Variants in TBCD observed in about 807,000 individuals in gnomAD.
The protein encoded by TBCD is tubulin folding cofactor D.
A neutral mutation model predicts 169.3 loss-of-function variants in TBCD; 105 were observed. That is an observed-to-expected ratio of 0.62 (90% CI 0.53 to 0.73). The LOEUF (loss-of-function observed/expected upper bound fraction) is 0.73, where lower values mean the gene tolerates loss of function less well. Among genes scored for constraint, TBCD ranks in the 30% least tolerant of loss-of-function variants. TBCD has a pLI of 0.00. For synonymous variants in TBCD, 700 were observed against 643.9 expected (o/e 1.09, Z -1.32); for missense variants, 1,444 against 1,600.1 (o/e 0.90, Z 1.66).
intron 13 of TBCD, among the ~76,000 whole-genome samples, chr17:82,819,974 C>CT (rs375685441): frequency 0.04 from 5,647 of 142,848 alleles, 345 homozygotes; most frequent in African/African-American, 0.13. Context: ...TTAAGTTTAC[C>CT]TTTTTTTTTT....
chr17:82,887,708 C>T (rs1335393495), intron 15 of TBCD, among the ~76,000 whole-genome samples: 2 of 152,136 alleles, frequency 1.3e-5, no homozygotes, highest in East Asian at 3.9e-4. Flanking sequence ...ACGTTCGCAC[C>T]ACCACCTGCC....
At chr17:82,912,653 C>G (rs977289938) in intron 23 of TBCD, among the ~76,000 whole-genome samples, 28 of 151,710 alleles carry the variant, frequency 1.8e-4, no homozygotes, top group African/African-American at 6.1e-4. Flanking sequence ...CTGAGGTCTG[C>G]GTGGTCTGAG....
chr17:82,760,121 G>T (rs979530033), intron 2 of TBCD, among the ~76,000 whole-genome samples: 22 of 151,740 alleles, frequency 1.4e-4, no homozygotes, highest in Admixed American at 1.2e-3. Context: ...CAGTCTGCCC[G>T]CCTTGGCCTC....
intron 9 of TBCD, among the ~76,000 whole-genome samples, chr17:82,801,649 CGTGT>C (rs2050547474): frequency 1.1e-5 from 1 of 87,308 alleles, no homozygotes; most frequent in Admixed American, 1.3e-4. Flanking sequence ...AGGAGGGCGG[CGTGT>C]GCGTTGTGTG....
rs2051069732 is a variant in TBCD, at chr17:82,807,627, GAAGGAC to G, written c.1115_1120del (p.Lys372_Asp373del). 1.3e-6 allele frequency: 2 copies of G among 1,552,904 alleles called. No individual in the cohort carries two copies. The highest frequency in any genetic ancestry group is 1.7e-6 in the Non-Finnish European group (2 of 1,148,738). Reference sequence around the variant, plus strand: ...CTACAGAGCAGCTGCTGGTCGGGCTGAAGGACAAGGACACGGTCGTGCGGTGGTCTG... The same window carrying G: ...CTACAGAGCAGCTGCTGGTCGGGCTGAAGGACACGGTCGTGCGGTGGTCTG... On this transcript the variant is annotated inframe_deletion, in exon 11 of 39. Coordinates refer to ENST00000355528, the MANE Select transcript of TBCD (RefSeq NM_005993.5).
intron 13 of TBCD, chr17:82,830,886 A>G: frequency 6.2e-7 from 1 of 1,612,786 alleles, no homozygotes; most frequent in African/African-American, 1.3e-5. Context: ...GGCTAGAAGA[A>G]GCCAAGAAAA....
At position 82,783,362 on chromosome 17, in the gene TBCD, A is replaced by G. The variant is rs190901551; in HGVS notation, c.771+1641A>G. On this transcript the variant is annotated intron_variant, in intron 7 of 38. Transcript: ENST00000355528. ...AAATGTGACAGATTCAGCAGTTTTC[A>G]AAAATCAAGATATAATTCACATACC... 4.6e-5 allele frequency among the ~76,000 whole-genome samples: 7 copies of G among 152,372 alleles called. No individual in the cohort carries two copies. The East Asian group carries it at 1.3e-3, about 29-fold the overall frequency.
rs760075902 is a variant in TBCD at position 82,831,586 on chromosome 17, G to A, written c.1318+16652G>A. 7 of 1,614,164 alleles carry A rather than the reference G, an allele frequency of 4.3e-6. No homozygotes were observed. The highest frequency in any genetic ancestry group is 2.2e-5 in the East Asian group (1 of 44,884). On this transcript the variant is annotated intron_variant, in intron 13 of 38. Coordinates refer to ENST00000355528, the MANE Select transcript of TBCD (RefSeq NM_005993.5). This position sits in a 1 kb window ranked among gnomAD's most constrained non-coding sequence, Gnocchi z 4.6. The stretch of plus-strand genomic sequence containing the variant: ...AGATGGAGCCAGGTGCTTAGGGATC[G>A]GCCCCGGGTGAGGCAGGAAGTGTCT...
intron 18 of TBCD, among the ~76,000 whole-genome samples, chr17:82,902,839 G>A (rs893536026): frequency 3.3e-5 from 5 of 152,218 alleles, no homozygotes; most frequent in African/African-American, 1.2e-4. Context: ...GAGCTCTGCG[G>A]GTCGCTCCCA....
At chr17:82,927,094 T>A (rs952264441) in intron 28 of TBCD, 92 bp from the exon 29 acceptor site, 2 of 1,566,132 alleles carry the variant, frequency 1.3e-6, no homozygotes, top group Non-Finnish European at 1.7e-6. Flanking sequence ...GAGCGTGTCT[T>A]CTCAGGATCA....
Position 82,806,074 on chromosome 17 carries a change from C to T in TBCD, c.1087+63C>T. On this transcript the variant is annotated intron_variant, in intron 10 of 38. Coordinates refer to ENST00000355528, the MANE Select transcript of TBCD (RefSeq NM_005993.5). This position sits in a 1 kb window ranked among gnomAD's most constrained non-coding sequence, Gnocchi z 5.1. ...ACCGTCGGGCCAATTCCCCTCTACT[C>T]CAGGACCACACTTCCTTCTTCCTTG... 1 of 1,582,354 alleles carries T rather than the reference C, an allele frequency of 6.3e-7. No homozygotes were observed. Among genetic ancestry groups the T allele is most frequent in the South Asian group, 1.1e-5 (1 of 88,032 alleles).
chr17:82,903,348 G>T lies in TBCD; in HGVS notation c.1731-57G>T. 1 of 1,490,370 alleles carries T rather than the reference G, an allele frequency of 6.7e-7. No individual in the cohort carries two copies. The highest frequency in any genetic ancestry group is 1.2e-5 in the South Asian group (1 of 82,712). 92.3% of individuals were successfully genotyped at this position (1,490,370 alleles called of 1,614,324 possible). ...CTCCCTCACTTTCTTTTTATGAATT[G>T]AATAAAGCTAGAATCATAAAATGAA... On this transcript the variant is annotated intron_variant, in intron 18 of 38. Transcript: ENST00000355528. This position sits in a 1 kb window ranked among gnomAD's most constrained non-coding sequence, Gnocchi z 4.8.
Position 82,941,615 on chromosome 17 carries a change from C to T in TBCD, c.3564+132C>T, listed in dbSNP as rs760710543. 9.1e-5 allele frequency: 72 copies of T among 795,510 alleles called. 1 individual carries two copies. Among genetic ancestry groups the T allele is most frequent in the Non-Finnish European group, 1.2e-4 (63 of 507,886 alleles). The allele number at this position is 795,510 out of a possible 1,614,324, so 49.3% of individuals were successfully genotyped here. ...CGTTCCCTCGTCTCATGTCAGGACC[C>T]CTGGGATTACGGGACCAGCAGAGCT... On this transcript the variant is annotated intron_variant, in intron 38 of 38. Transcript: ENST00000355528.
At position 82,929,421 on chromosome 17, in the gene TBCD, A is replaced by G. The variant is rs780895194; in HGVS notation, c.2912A>G (p.Gln971Arg). 5.6e-6 allele frequency: 9 copies of G among 1,612,714 alleles called. No individual in the cohort carries two copies. The highest frequency in any genetic ancestry group is 7.6e-6 in the Non-Finnish European group (9 of 1,179,902). Residue 971 changes from glutamine (Q) to arginine (R), a missense_variant, in exon 32 of 39, where the codon CAG becomes CGG. By Grantham distance (43) the Gln-to-Arg change is conservative. Coordinates refer to ENST00000355528, the MANE Select transcript of TBCD (RefSeq NM_005993.5). ...TCCCAGGCCTTCCCACGCATCACCC[A>G]GCTCCTTGGGCTGCCCACCTACCGC... Reference protein sequence around the residue: ...APSQAFPRITQLLGLPTYRYH... With the variant: ...APSQAFPRITRLLGLPTYRYH...
chr17:82,858,360 C>G (rs929749569), intron 13 of TBCD, among the ~76,000 whole-genome samples: 6 of 152,212 alleles, frequency 3.9e-5, no homozygotes, highest in African/African-American at 1.4e-4. Context: ...GAACATCTTT[C>G]TACCTGGAAG....
At chr17:82,849,632 ATAAACTGAGAAT>A in intron 13 of TBCD, among the ~76,000 whole-genome samples, 1 of 152,232 alleles carries the variant, frequency 6.6e-6, no homozygotes, top group Non-Finnish European at 1.5e-5. Flanking sequence ...AAGCACACGG[ATAAACTGAGAAT>A]CCTCGTGGTC....
intron 13 of TBCD, among the ~76,000 whole-genome samples, chr17:82,850,161 T>TTGTTGCCTGTGCTGC (rs1567887896): frequency 1.1e-4 from 2 of 18,954 alleles, no homozygotes; most frequent in African/African-American, 2.1e-4. Flanking sequence ...GGCTGTGCTG[T>TTGTTGCCTGTGCTGC]TGTTGCCTGT....
rs1331335484 is a variant in TBCD at position 82,937,328 on chromosome 17, A to G, written c.3249A>G (p.Lys1083=). 2 of 1,614,024 alleles carry G rather than the reference A, an allele frequency of 1.2e-6. No homozygotes were observed. The highest frequency in any genetic ancestry group is 1.7e-5 in the Admixed American group (1 of 60,020). ...ALCKKEIKNS[K]DIQKLLSGIA... is the part of the protein sequence containing the mutation. ...GTAAGAAAGAAATCAAGAATTCAAA[A>G]GATATCCAGAAGCTCCTGTCAGGCA... Residue 1083 remains lysine (K), a synonymous_variant, in exon 35 of 39, where the codon AAA becomes AAG. Coordinates refer to ENST00000355528, the MANE Select transcript of TBCD (RefSeq NM_005993.5).
chr17:82,833,296 A>G lies in TBCD; in HGVS notation c.1318+18362A>G, dbSNP rs1300344543. On this transcript the variant is annotated intron_variant, in intron 13 of 38. Coordinates refer to ENST00000355528, the MANE Select transcript of TBCD (RefSeq NM_005993.5). This position sits in a 1 kb window ranked among gnomAD's most constrained non-coding sequence, Gnocchi z 4.7. ...CCGTCGGCCTGTAGAACCCAAGACCATGGATGCTGCTGCCTCCCCTGGGGC... is the reference window on the plus strand; with the variant it reads ...CCGTCGGCCTGTAGAACCCAAGACCGTGGATGCTGCTGCCTCCCCTGGGGC... 2.6e-5 allele frequency among the ~76,000 whole-genome samples: 4 copies of G among 151,990 alleles called. No individual in the cohort carries two copies. The highest frequency in any genetic ancestry group is 7.2e-5 in the African/African-American group (3 of 41,384).
Sources: allele counts gnomAD v4.1 joint callset (sites outside exome capture counted in the v4.1 genomes callset), GRCh38; gene constraint gnomAD v4.1.1; non-coding constraint Gnocchi (gnomAD v3.1); transcripts MANE v1.5; gene names NCBI Gene and HGNC (gene_info 2026-07-23, HGNC 2026-07-21).